The following CACNA1D variants were observed in gnomAD, a reference collection of about 807,000 sequenced individuals.
The protein encoded by CACNA1D is voltage-dependent L-type calcium channel subunit alpha-1D.
In CACNA1D, 55 loss-of-function variants were observed where a neutral mutation model predicts 257.1. The observed-to-expected ratio is 0.21, with a 90% CI of 0.17 to 0.27. The LOEUF is 0.27. Among genes scored for constraint, CACNA1D ranks in the 10% least tolerant of loss-of-function variants. The probability of loss-of-function intolerance (pLI) is 1.00; values close to 1 mark genes in which losing one functional copy is unlikely to be tolerated. For synonymous variants in CACNA1D, 980 were observed against 1,014.9 expected, an observed-to-expected ratio of 0.97 and a Z score of 0.65; for missense variants, 1,876 against 2,784.0, an observed-to-expected ratio of 0.67 and a Z score of 7.34.
At chr3:53,786,615 C>A in intron 39 of CACNA1D, 2 of 582,386 alleles carry the variant, frequency 3.4e-6, no homozygotes, top group Middle Eastern at 4.6e-4. Context: ...TTAACTGACA[C>A]TAATTTTGAG....
intron 3 of CACNA1D, among the ~76,000 whole-genome samples, chr3:53,570,011 A>G (rs1391144063): frequency 6.6e-6 from 1 of 152,220 alleles, no homozygotes; most frequent in Non-Finnish European, 1.5e-5. Flanking sequence ...GTCCTTAGCT[A>G]TACGGATAAT....
At chr3:53,725,250 G>A (rs970741841) in intron 14 of CACNA1D, among the ~76,000 whole-genome samples, 3 of 152,122 alleles carry the variant, frequency 2.0e-5, no homozygotes, top group African/African-American at 7.2e-5. Context: ...CACTTTGAGT[G>A]TCCTCAAGAG....
At chr3:53,524,555 G>C (rs1276961228) in intron 3 of CACNA1D, among the ~76,000 whole-genome samples, 1 of 152,248 alleles carries the variant, frequency 6.6e-6, no homozygotes, top group African/African-American at 2.4e-5. Flanking sequence ...TTTTAAGTTA[G>C]TAGGAACAGG....
At chr3:53,619,751 A>G (rs1189072977) in intron 3 of CACNA1D, among the ~76,000 whole-genome samples, 1 of 152,194 alleles carries the variant, frequency 6.6e-6, no homozygotes, top group Non-Finnish European at 1.5e-5. Context: ...TAAAATTTTA[A>G]TCCCTTTCTT....
intron 8 of CACNA1D, among the ~76,000 whole-genome samples, chr3:53,685,653 C>T (rs1277798563): frequency 6.6e-6 from 1 of 151,972 alleles, no homozygotes; most frequent in Admixed American, 6.6e-5. Context: ...AAAACAGAAG[C>T]CAATAACAGG....
chr3:53,650,659 T>C, intron 3 of CACNA1D, 120 bp from the exon 4 acceptor site: 1 of 1,051,228 alleles, frequency 9.5e-7, no homozygotes. Flanking sequence ...TAATGAAACT[T>C]TGTTTGGAGG....
At chr3:53,734,928 A>G (rs1216125191) in intron 19 of CACNA1D, among the ~76,000 whole-genome samples, 5 of 152,196 alleles carry the variant, frequency 3.3e-5, no homozygotes, top group Non-Finnish European at 7.3e-5. Context: ...TGAACTGTTG[A>G]GGGCAGGCCT....
chr3:53,648,721 A>G (rs1330250635), intron 3 of CACNA1D, among the ~76,000 whole-genome samples: 1 of 152,094 alleles, frequency 6.6e-6, no homozygotes, highest in Non-Finnish European at 1.5e-5. Context: ...GAGCCTGGCT[A>G]AGAACAGGAC....
intron 3 of CACNA1D, among the ~76,000 whole-genome samples, chr3:53,622,044 CT>C (rs879815974): frequency 1.8e-3 from 269 of 145,962 alleles, no homozygotes; most frequent in South Asian, 7.4e-3. Context: ...TTTGGGTAAA[CT>C]TTTTTTTTTT....
At chr3:53,552,848 C>G (rs571288895) in intron 3 of CACNA1D, among the ~76,000 whole-genome samples, 96 of 152,352 alleles carry the variant, frequency 6.3e-4, no homozygotes, top group African/African-American at 2.1e-3. Flanking sequence ...GGATTTCCTT[C>G]CATCCTAAAC....
At chr3:53,590,810 T>C (rs974603092) in intron 3 of CACNA1D, among the ~76,000 whole-genome samples, 1 of 152,192 alleles carries the variant, frequency 6.6e-6, no homozygotes, top group Non-Finnish European at 1.5e-5. Flanking sequence ...TGAGCGGGCA[T>C]AGGTACTTCT....
chr3:53,533,336 G>A (rs530104016), intron 3 of CACNA1D, among the ~76,000 whole-genome samples: 3 of 152,024 alleles, frequency 2.0e-5, no homozygotes, highest in Non-Finnish European at 2.9e-5. Context: ...TTTAAAAATC[G>A]CGTATGTGGG....
At chr3:53,598,452 G>T (rs1191301858) in intron 3 of CACNA1D, among the ~76,000 whole-genome samples, 3 of 151,772 alleles carry the variant, frequency 2.0e-5, no homozygotes, top group African/African-American at 7.3e-5. Flanking sequence ...GGGCATGGTG[G>T]CTCATGCCTG....
intron 30 of CACNA1D, 58 bp from the exon 31 acceptor site, chr3:53,769,914 TG>T: frequency 7.7e-7 from 1 of 1,296,064 alleles, no homozygotes; most frequent in Non-Finnish European, 1.1e-6. Flanking sequence ...AAATGCTCTC[TG>T]GAACCATTGA....
At chr3:53,639,139 C>A (rs1163983893) in intron 3 of CACNA1D, among the ~76,000 whole-genome samples, 2 of 152,080 alleles carry the variant, frequency 1.3e-5, no homozygotes, top group African/African-American at 4.8e-5. Flanking sequence ...GTAAATAACC[C>A]CTTCTCTGCC....
At position 53,756,190 on chromosome 3, in the gene CACNA1D, A is replaced by G. The variant is rs187045073; in HGVS notation, c.3786+2508A>G. ...AATTCTTACTGGTAGGTGAGAAGGCATTTCAAGAGGGAACGGTTAAAGAAA... is the reference window on the plus strand; with the variant it reads ...AATTCTTACTGGTAGGTGAGAAGGCGTTTCAAGAGGGAACGGTTAAAGAAA... On this transcript the variant is annotated intron_variant, in intron 29 of 47. Coordinates refer to ENST00000350061, the MANE Select transcript of CACNA1D (RefSeq NM_001128840.3). Among the ~76,000 whole-genome samples, 14 of 152,338 alleles carry G rather than the reference A, an allele frequency of 9.2e-5. No homozygotes were observed. In the East Asian group the frequency reaches 1.5e-3, roughly 17 times the overall value.
chr3:53,559,059 T>C (rs1446487542), intron 3 of CACNA1D, among the ~76,000 whole-genome samples: 7 of 151,754 alleles, frequency 4.6e-5, no homozygotes, highest in Admixed American at 4.6e-4. Context: ...CTTATTTTTA[T>C]AATCTTTTTT....
In CACNA1D at chr3:53,731,119, C is replaced by A; in HGVS notation, c.2379C>A (p.Val793=). The A allele has an allele frequency of 6.2e-7, 1 of 1,611,720 alleles. No individual in the cohort carries two copies. The highest frequency in any genetic ancestry group is 1.1e-5 in the South Asian group (1 of 91,028). ...ATAAAAAGAACAACAAACCAGAAGT[C>A]AACCAGATAGCCAACAGTGACAACA... is the stretch of plus-strand genomic sequence containing the variant. ...LENKKNNKPE[V]NQIANSDNKV... is the part of the protein sequence containing the mutation. The change falls in exon 17 of 48, where the codon GTC becomes GTA. Residue 793 remains valine (V), a synonymous_variant. Transcript: ENST00000350061.
At chr3:53,769,578 T>C (rs1292832051) in intron 30 of CACNA1D, among the ~76,000 whole-genome samples, 1 of 152,226 alleles carries the variant, frequency 6.6e-6, no homozygotes, top group Non-Finnish European at 1.5e-5. Context: ...AGAGACATTC[T>C]GTTCCTCGGG....
Sources: gnomAD v4.1 joint callset for allele counts (sites outside exome capture counted in the v4.1 genomes callset) on GRCh38, gnomAD v4.1.1 for gene constraint, MANE v1.5 for transcripts, NCBI Gene and HGNC (gene_info 2026-07-23, HGNC 2026-07-21) for gene names.